Variants in CSMD3 observed in about 807,000 individuals in gnomAD.
CSMD3 encodes CUB and sushi domain-containing protein 3.
Under a neutral mutation model 435.2 loss-of-function variants are expected in CSMD3, and 177 were observed. The ratio of observed to expected loss-of-function variants is 0.41; its 90% CI spans 0.36 to 0.46. The LOEUF (loss-of-function observed/expected upper bound fraction) is 0.46, where lower values mean the gene tolerates loss of function less well. Ranked by LOEUF, CSMD3 falls within the 20% of genes least tolerant of loss-of-function variation. The pLI is 0.34. For synonymous variants in CSMD3, 1,656 were observed against 1,520.5 expected (o/e 1.09, Z -2.07); for missense variants, 4,265 against 4,504.6 (o/e 0.95, Z 1.52).
intron 10 of CSMD3, among the ~76,000 whole-genome samples, chr8:112,891,559 C>G (rs766189815): frequency 6.6e-6 from 1 of 151,438 alleles, no homozygotes; most frequent in Admixed American, 6.6e-5. Context: ...GTATCAGGTT[C>G]TATCTAGGCC....
chr8:112,959,875 G>A (rs568993757), intron 7 of CSMD3, among the ~76,000 whole-genome samples: 16 of 151,844 alleles, frequency 1.1e-4, no homozygotes, highest in Non-Finnish European at 2.2e-4. Flanking sequence ...AAAACAGAGT[G>A]TGTTATTTTT....
At chr8:112,990,495 G>A (rs939555276) in intron 6 of CSMD3, among the ~76,000 whole-genome samples, 14 of 151,788 alleles carry the variant, frequency 9.2e-5, no homozygotes, top group Non-Finnish European at 1.6e-4. Context: ...ATCTGGTCTT[G>A]GGGGTCAAAT....
At chr8:113,245,013 C>A (rs544620214) in intron 3 of CSMD3, among the ~76,000 whole-genome samples, 1 of 152,042 alleles carries the variant, frequency 6.6e-6, no homozygotes, top group Non-Finnish European at 1.5e-5. Context: ...ATCACTGTAT[C>A]TTTTATCATT....
chr8:113,001,909 T>G (rs575367849), intron 6 of CSMD3, among the ~76,000 whole-genome samples: 10 of 152,154 alleles, frequency 6.6e-5, no homozygotes, highest in African/African-American at 2.2e-4. Flanking sequence ...AAACTTTTGT[T>G]GAATAAATAT....
intron 13 of CSMD3, among the ~76,000 whole-genome samples, chr8:112,780,760 A>C (rs982101256): frequency 4.6e-5 from 7 of 152,074 alleles, no homozygotes; most frequent in Non-Finnish European, 1.0e-4. Flanking sequence ...TCCATGGAGG[A>C]AACATTTAGA....
chr8:113,196,976 T>C (rs1487179282), intron 3 of CSMD3, among the ~76,000 whole-genome samples: 1 of 150,874 alleles, frequency 6.6e-6, no homozygotes, highest in Non-Finnish European at 1.5e-5. Context: ...GGAACAATTT[T>C]CTTACTTGTT....
chr8:112,424,680 TTTAC>T (rs201925716), intron 32 of CSMD3, among the ~76,000 whole-genome samples: 18 of 152,218 alleles, frequency 1.2e-4, no homozygotes, highest in East Asian at 5.8e-4. Flanking sequence ...TTTATTTTAT[TTTAC>T]TTACTTATTT....
intron 2 of CSMD3, among the ~76,000 whole-genome samples, chr8:113,302,301 T>TATA (rs373537798): frequency 0.053 from 17 of 320 alleles, no homozygotes; most frequent in East Asian, 0.25. Flanking sequence ...TATAATATAA[T>TATA]ATATATATTA....
intron 5 of CSMD3, among the ~76,000 whole-genome samples, chr8:113,093,705 G>A (rs2090076410): frequency 1.3e-5 from 2 of 152,010 alleles, no homozygotes. Flanking sequence ...AGCCTTCACT[G>A]GAAACTTGTA....
chr8:113,118,950 T>A (rs111255324), intron 4 of CSMD3, among the ~76,000 whole-genome samples: 2 of 152,224 alleles, frequency 1.3e-5, no homozygotes, highest in African/African-American at 4.8e-5. Context: ...TGTTTCTCAT[T>A]TTCTGCTACA....
intron 4 of CSMD3, among the ~76,000 whole-genome samples, chr8:113,119,991 C>T (rs954599351): frequency 3.3e-5 from 5 of 151,840 alleles, no homozygotes; most frequent in African/African-American, 1.2e-4. Context: ...GCTCAATATT[C>T]ATACTCATTA....
chr8:113,107,212 T>A (rs954300458), intron 4 of CSMD3, among the ~76,000 whole-genome samples: 10 of 152,184 alleles, frequency 6.6e-5, no homozygotes, highest in African/African-American at 2.4e-4. Context: ...GGTGGTGGCA[T>A]CAGGCAGGGC....
intron 31 of CSMD3, among the ~76,000 whole-genome samples, chr8:112,491,138 T>C (rs1426532835): frequency 6.6e-6 from 1 of 152,182 alleles, no homozygotes; most frequent in Non-Finnish European, 1.5e-5. Flanking sequence ...TGGGCACATG[T>C]AATTCTTATA....
At chr8:113,320,859 G>A (rs2093944780) in intron 1 of CSMD3, among the ~76,000 whole-genome samples, 1 of 152,000 alleles carries the variant, frequency 6.6e-6, no homozygotes, top group Non-Finnish European at 1.5e-5. Context: ...CCATAAAAGA[G>A]GCATATCTTC....
chr8:112,473,343 G>A (rs1348313897), intron 31 of CSMD3, among the ~76,000 whole-genome samples: 1 of 152,136 alleles, frequency 6.6e-6, no homozygotes, highest in Non-Finnish European at 1.5e-5. Context: ...CAAGACAGGG[G>A]ATGCATTAGG....
At chr8:113,157,623 T>C (rs1342985351) in intron 4 of CSMD3, among the ~76,000 whole-genome samples, 1 of 152,068 alleles carries the variant, frequency 6.6e-6, no homozygotes, top group Non-Finnish European at 1.5e-5. Flanking sequence ...CCACTGGACA[T>C]TGATAGAGTT....
chr8:113,392,178 T>C (rs576090530), intron 1 of CSMD3, among the ~76,000 whole-genome samples: 4 of 152,238 alleles, frequency 2.6e-5, no homozygotes, highest in South Asian at 4.1e-4. Context: ...GTCCACATTA[T>C]AGAATAAAGT....
intron 32 of CSMD3, among the ~76,000 whole-genome samples, chr8:112,414,897 T>C (rs1287100666): frequency 3.3e-5 from 5 of 152,138 alleles, no homozygotes; most frequent in African/African-American, 1.2e-4. Flanking sequence ...GGAACTTACT[T>C]TGAACTTGAG....
At chr8:113,333,959 T>C (rs1463095697) in intron 1 of CSMD3, among the ~76,000 whole-genome samples, 1 of 151,918 alleles carries the variant, frequency 6.6e-6, no homozygotes, top group African/African-American at 2.4e-5. Flanking sequence ...ACTAGCTTTG[T>C]ATAGTTTTCA....
Sources: gnomAD v4.1 joint callset for allele counts (sites outside exome capture counted in the v4.1 genomes callset) on GRCh38, gnomAD v4.1.1 for gene constraint, MANE v1.5 for transcripts, NCBI Gene and HGNC (gene_info 2026-07-23, HGNC 2026-07-21) for gene names.